The following ZNRF2 variants were observed in gnomAD, a reference collection of about 807,000 sequenced individuals.
The protein encoded by ZNRF2 is E3 ubiquitin-protein ligase ZNRF2.
In ZNRF2, 16 loss-of-function variants were observed where a neutral mutation model predicts 20.4. The ratio of observed to expected loss-of-function variants is 0.79; its 90% CI spans 0.53 to 1.19. The LOEUF is 1.19. ZNRF2 is among the 50% of genes most tolerant of loss of function. ZNRF2 has a pLI of 0.00. For synonymous variants in ZNRF2, 178 were observed against 144.9 expected (o/e 1.23, Z -1.64); for missense variants, 363 against 332.4 (o/e 1.09, Z -0.72).
intron 1 of ZNRF2, among the ~76,000 whole-genome samples, chr7:30,322,041 A>G (rs551784139): frequency 1.3e-5 from 2 of 152,228 alleles, no homozygotes; most frequent in South Asian, 4.1e-4. Flanking sequence ...AAATCTCATA[A>G]TGTTTTAAGG....
chr7:30,311,737 A>G (rs979929741), intron 1 of ZNRF2, among the ~76,000 whole-genome samples: 1 of 152,184 alleles, frequency 6.6e-6, no homozygotes, highest in Non-Finnish European at 1.5e-5. Flanking sequence ...TATATTATGT[A>G]TGCGTTGTTT....
At chr7:30,344,921 TATA>T (rs1270996709) in intron 2 of ZNRF2, among the ~76,000 whole-genome samples, 1 of 152,230 alleles carries the variant, frequency 6.6e-6, no homozygotes, top group African/African-American at 2.4e-5. Flanking sequence ...GTCTTACAAG[TATA>T]ATAATGTGTT....
rs1300948443 is a variant in ZNRF2, at chr7:30,367,639, G to GA, written c.*1632dup. 6.6e-6 allele frequency: 1 copy of GA among 151,862 alleles called. No individual in the cohort carries two copies. The highest frequency in any genetic ancestry group is 2.4e-5 in the African/African-American group (1 of 41,392). 9.4% of individuals were successfully genotyped at this position (151,862 alleles called of 1,614,324 possible). On this transcript the variant is annotated 3_prime_UTR_variant, in exon 5 of 5. Coordinates refer to ENST00000323037, the MANE Select transcript of ZNRF2 (RefSeq NM_147128.4). ...GTACAGGAGCAACTGCTGCTACCCA[G>GA]AAAAATGTGTGTATTATAAATAATT...
At chr7:30,306,545 G>C (rs1799208773) in intron 1 of ZNRF2, among the ~76,000 whole-genome samples, 2 of 152,140 alleles carry the variant, frequency 1.3e-5, no homozygotes, top group African/African-American at 4.8e-5. Context: ...AACCATACCA[G>C]CAAATGATAA....
At chr7:30,324,828 A>G (rs567232707) in intron 2 of ZNRF2, among the ~76,000 whole-genome samples, 9 of 152,302 alleles carry the variant, frequency 5.9e-5, no homozygotes, top group Admixed American at 5.9e-4. Context: ...TTAAGAGTAT[A>G]GAGTAAATGA....
intron 1 of ZNRF2, among the ~76,000 whole-genome samples, chr7:30,307,326 G>GTTTTTTTTTTTTTTTTTT (rs78007797): frequency 2.3e-5 from 1 of 43,234 alleles, no homozygotes; most frequent in Admixed American, 3.4e-4. Flanking sequence ...GTTTTTTTTT[G>GTTTTTTTTTTTTTTTTTT]TTTTTTTTTT....
intron 2 of ZNRF2, among the ~76,000 whole-genome samples, chr7:30,349,582 A>AT (rs1283702952): frequency 1.3e-5 from 2 of 151,368 alleles, no homozygotes; most frequent in African/African-American, 4.9e-5. Context: ...TAAACTGTAA[A>AT]TTAAAAAAAA....
At chr7:30,292,964 T>A (rs1486428953) in intron 1 of ZNRF2, among the ~76,000 whole-genome samples, 1 of 152,154 alleles carries the variant, frequency 6.6e-6, no homozygotes, top group African/African-American at 2.4e-5. Flanking sequence ...AGGATTACTC[T>A]GGCTATTGTG....
At chr7:30,319,950 ACT>A (rs1170609419) in intron 1 of ZNRF2, among the ~76,000 whole-genome samples, 1 of 152,144 alleles carries the variant, frequency 6.6e-6, no homozygotes, top group Non-Finnish European at 1.5e-5. Flanking sequence ...AATATTTAGT[ACT>A]GTTTTGTAGA....
At chr7:30,294,021 T>TC (rs1468003631) in intron 1 of ZNRF2, among the ~76,000 whole-genome samples, 1 of 152,108 alleles carries the variant, frequency 6.6e-6, no homozygotes, top group East Asian at 1.9e-4. Flanking sequence ...GTCTTTTTTT[T>TC]CTTTCCTTTT....
At chr7:30,332,882 G>A (rs1373253358) in intron 2 of ZNRF2, among the ~76,000 whole-genome samples, 1 of 152,030 alleles carries the variant, frequency 6.6e-6, no homozygotes, top group Non-Finnish European at 1.5e-5. Context: ...TTTCCTTTGG[G>A]TAGATACCCA....
chr7:30,321,872 T>G (rs947896055), intron 1 of ZNRF2, among the ~76,000 whole-genome samples: 4 of 152,146 alleles, frequency 2.6e-5, no homozygotes, highest in Non-Finnish European at 5.9e-5. Flanking sequence ...CCATTATAGT[T>G]TTTTTGTAGT....
At chr7:30,362,178 GC>G (rs1684840561) in intron 3 of ZNRF2, among the ~76,000 whole-genome samples, 198 bp from the exon 4 acceptor site, 1 of 152,104 alleles carries the variant, frequency 6.6e-6, no homozygotes, top group Admixed American at 6.5e-5. Flanking sequence ...GCATAATTTT[GC>G]AAAGGTTTTT....
At chr7:30,329,502 A>T (rs576660511) in intron 2 of ZNRF2, among the ~76,000 whole-genome samples, 35 of 152,046 alleles carry the variant, frequency 2.3e-4, no homozygotes, top group Middle Eastern at 3.4e-3. Flanking sequence ...CCATGAGATC[A>T]GTTTTGTTTT....
chr7:30,365,716 A>G (rs962887369), intron 4 of ZNRF2, among the ~76,000 whole-genome samples: 8 of 152,178 alleles, frequency 5.3e-5, no homozygotes, highest in Non-Finnish European at 1.0e-4. Flanking sequence ...TTAATAATCA[A>G]CCCAAAATAG....
chr7:30,355,272 T>G lies in ZNRF2; in HGVS notation c.566-456T>G, dbSNP rs42578. On this transcript the variant is annotated intron_variant, in intron 2 of 4. Transcript: ENST00000323037. ...AGCAACTTTTTAAAAGTCCCACATT[T>G]GGGGTGATTTCTTGAACTTACCCAA... Among the ~76,000 whole-genome samples the G allele has an allele frequency of 2.5e-3, 374 of 152,070 alleles. 1 individual carries two copies. Among genetic ancestry groups the G allele is most frequent in the African/African-American group, 7.4e-3 (308 of 41,468 alleles).
At chr7:30,359,632 A>G (rs899020256) in intron 3 of ZNRF2, among the ~76,000 whole-genome samples, 9 of 152,214 alleles carry the variant, frequency 5.9e-5, no homozygotes, top group East Asian at 1.9e-4. Context: ...TAATTAGACC[A>G]TGGGCTTTGC....
chr7:30,316,319 A>AAAAAAC (rs1320541267), intron 1 of ZNRF2, among the ~76,000 whole-genome samples: 1 of 148,020 alleles, frequency 6.8e-6, no homozygotes, highest in Non-Finnish European at 1.5e-5. Flanking sequence ...AAAAAAAAAA[A>AAAAAAC]AGAATTGTCA....
At chr7:30,310,779 T>G (rs1244921161) in intron 1 of ZNRF2, among the ~76,000 whole-genome samples, 1 of 152,114 alleles carries the variant, frequency 6.6e-6, no homozygotes, top group African/African-American at 2.4e-5. Flanking sequence ...GGACTGAATG[T>G]GAGTTCCAAG....
Sources: allele counts gnomAD v4.1 joint callset (sites outside exome capture counted in the v4.1 genomes callset), GRCh38; gene constraint gnomAD v4.1.1; transcripts MANE v1.5; gene names NCBI Gene and HGNC (gene_info 2026-07-23, HGNC 2026-07-21).